FLVCR1: variants seen among roughly 807,000 people sequenced by gnomAD.
The protein encoded by FLVCR1 is FLVCR choline and heme transporter 1.
A neutral mutation model predicts 53.6 loss-of-function variants in FLVCR1; 34 were observed. The ratio of observed to expected loss-of-function variants is 0.63; its 90% CI spans 0.48 to 0.84. FLVCR1 has a LOEUF of 0.84. Among genes scored for constraint, FLVCR1 ranks in the 40% least tolerant of loss-of-function variants. The pLI is 0.00. For synonymous variants in FLVCR1, 300 were observed against 286.3 expected (o/e 1.05, Z -0.48); for missense variants, 677 against 696.7 (o/e 0.97, Z 0.32).
At chr1:212,874,729 A>G (rs1400560754) in intron 3 of FLVCR1, among the ~76,000 whole-genome samples, 1 of 151,486 alleles carries the variant, frequency 6.6e-6, no homozygotes, top group Non-Finnish European at 1.5e-5. Flanking sequence ...GGGTTTCACC[A>G]TGTTGACCAG....
chr1:212,886,202 C>T (rs187944947), intron 5 of FLVCR1, among the ~76,000 whole-genome samples: 8 of 151,618 alleles, frequency 5.3e-5, no homozygotes, highest in African/African-American at 9.7e-5. Flanking sequence ...CCACCACACC[C>T]GGCTAATTTT....
chr1:212,863,593 A>AAAAAGAACAT, intron 1 of FLVCR1, 132 bp from the exon 2 acceptor site: 1 of 865,764 alleles, frequency 1.2e-6, no homozygotes, highest in Non-Finnish European at 1.8e-6. Context: ...AAAAAAAAAA[A>AAAAAGAACAT]AAAGAACATA....
At position 212,895,916 on chromosome 1, in the gene FLVCR1, T is replaced by A. The variant is rs11582817; in HGVS notation, c.*626T>A. 0.37 allele frequency: 56,888 copies of A among 153,646 alleles called. 11,787 individuals carry two copies. Among genetic ancestry groups the A allele is most frequent in the South Asian group, 0.47 (2,363 of 4,976 alleles). 9.5% of individuals were successfully genotyped at this position (153,646 alleles called of 1,614,324 possible). A position where few individuals can be genotyped will look rare whatever the true frequency, so the allele number is the denominator to read the frequency against. On this transcript the variant is annotated 3_prime_UTR_variant, in exon 10 of 10. Coordinates refer to ENST00000366971, the MANE Select transcript of FLVCR1 (RefSeq NM_014053.4). ...ACAAAGTACTTTTTAACACATGCAG[T>A]CAATGGCTATAAAAACTATTCTGTG...
intron 5 of FLVCR1, 61 bp downstream of exon 5, chr1:212,885,457 A>ATTTGC: frequency 1.5e-6 from 2 of 1,327,748 alleles, no homozygotes; most frequent in Non-Finnish European, 2.2e-6. Flanking sequence ...TTAAAGGACA[A>ATTTGC]TTTGCTTTTT....
intron 1 of FLVCR1, among the ~76,000 whole-genome samples, chr1:212,862,136 G>C (rs1664262407): frequency 6.6e-6 from 1 of 151,792 alleles, no homozygotes; most frequent in South Asian, 2.1e-4. Flanking sequence ...TTTATTTCTT[G>C]TGATTATGAT....
chr1:212,861,346 G>A (rs1048715033), intron 1 of FLVCR1, among the ~76,000 whole-genome samples: 3 of 152,124 alleles, frequency 2.0e-5, no homozygotes, highest in African/African-American at 7.2e-5. Flanking sequence ...GCTCCTCCAG[G>A]AACTTTTTCT....
chr1:212,887,539 AAGAG>A lies in FLVCR1; in HGVS notation c.1197-348_1197-345del, dbSNP rs1344927698. On this transcript the variant is annotated intron_variant, in intron 5 of 9. Coordinates refer to ENST00000366971, the MANE Select transcript of FLVCR1 (RefSeq NM_014053.4). ...CAGTATGATAAGGGAATTTGGAAGA[AAGAG>A]AGACTCTTATAAACTGGTGTCGTTA... Among the ~76,000 whole-genome samples the A allele has an allele frequency of 2.0e-5, 3 of 152,362 alleles. No individual in the cohort carries two copies. The East Asian group carries it at 5.8e-4, about 29-fold the overall frequency.
At chr1:212,878,231 G>A (rs530827171) in intron 3 of FLVCR1, among the ~76,000 whole-genome samples, 3 of 152,214 alleles carry the variant, frequency 2.0e-5, no homozygotes, top group African/African-American at 4.8e-5. Flanking sequence ...GACCAGGCGC[G>A]GTGGCTCAGG....
At chr1:212,893,571 C>T (rs1299992819) in intron 8 of FLVCR1, among the ~76,000 whole-genome samples, 3 of 151,986 alleles carry the variant, frequency 2.0e-5, no homozygotes, top group Non-Finnish European at 2.9e-5. Flanking sequence ...AGAGATCTTT[C>T]ATGAAAGGAA....
rs1665384335 is a variant in FLVCR1 at position 212,897,969 on chromosome 1, A to T, written c.*2679A>T. On this transcript the variant is annotated 3_prime_UTR_variant, in exon 10 of 10. Coordinates refer to ENST00000366971, the MANE Select transcript of FLVCR1 (RefSeq NM_014053.4). Reference sequence around the variant, plus strand: ...CTCTATAATCAAGTGACTGTAAATTATGTCGAATCTGACCCTGGGGAATGT... The same window carrying T: ...CTCTATAATCAAGTGACTGTAAATTTTGTCGAATCTGACCCTGGGGAATGT... 6.6e-6 allele frequency: 1 copy of T among 152,236 alleles called. No homozygotes were observed. The highest frequency in any genetic ancestry group is 1.5e-5 in the Non-Finnish European group (1 of 68,046). 9.4% of individuals were successfully genotyped at this position (152,236 alleles called of 1,614,324 possible).
chr1:212,867,516 A>AT (rs1327302463), intron 2 of FLVCR1, among the ~76,000 whole-genome samples: 1 of 152,220 alleles, frequency 6.6e-6, no homozygotes, highest in Non-Finnish European at 1.5e-5. Flanking sequence ...AGCCTAGACA[A>AT]TTTAACTCCC....
At chr1:212,873,814 A>C (rs902014021) in intron 3 of FLVCR1, among the ~76,000 whole-genome samples, 3 of 152,242 alleles carry the variant, frequency 2.0e-5, no homozygotes, top group Admixed American at 6.5e-5. Flanking sequence ...TACAAGTTGT[A>C]ACCAATTAAG....
At chr1:212,883,236 T>C in intron 3 of FLVCR1, 135 bp from the exon 4 acceptor site, 1 of 649,032 alleles carries the variant, frequency 1.5e-6, no homozygotes, top group South Asian at 1.8e-5. Flanking sequence ...TTATCAACTG[T>C]GTTAAGAAAT....
chr1:212,889,294 T>C (rs1002673599), intron 8 of FLVCR1, 37 bp downstream of exon 8: 9 of 1,297,288 alleles, frequency 6.9e-6, no homozygotes, highest in Non-Finnish European at 1.0e-5. Context: ...AGGACTTGTG[T>C]CATGTGTTAA....
At chr1:212,864,994 G>T (rs10779588) in intron 2 of FLVCR1, among the ~76,000 whole-genome samples, 2 of 151,760 alleles carry the variant, frequency 1.3e-5, no homozygotes, top group Admixed American at 1.3e-4. Context: ...TCCACTTGTT[G>T]GTTTTGGTTT....
At chr1:212,887,002 G>A (rs927496629) in intron 5 of FLVCR1, among the ~76,000 whole-genome samples, 3 of 152,076 alleles carry the variant, frequency 2.0e-5, no homozygotes, top group Admixed American at 1.3e-4. Flanking sequence ...GGAAATGAAT[G>A]AATGAAACTA....
chr1:212,891,281 A>G (rs1665184692), intron 8 of FLVCR1, among the ~76,000 whole-genome samples: 1 of 151,996 alleles, frequency 6.6e-6, no homozygotes, highest in East Asian at 1.9e-4. Context: ...TTTTATGGGC[A>G]CACACCTGTA....
At chr1:212,880,188 G>A (rs1309830830) in intron 3 of FLVCR1, among the ~76,000 whole-genome samples, 1 of 152,186 alleles carries the variant, frequency 6.6e-6, no homozygotes, top group Non-Finnish European at 1.5e-5. Context: ...ACAAAGGCCA[G>A]TTACCCAGGT....
At chr1:212,889,480 G>A (rs571197997) in intron 8 of FLVCR1, among the ~76,000 whole-genome samples, 12 of 152,286 alleles carry the variant, frequency 7.9e-5, no homozygotes, top group African/African-American at 2.9e-4. Flanking sequence ...AATAAGAGTA[G>A]TAAAGGCTGG....
Sources: allele counts gnomAD v4.1 joint callset (sites outside exome capture counted in the v4.1 genomes callset), GRCh38; gene constraint gnomAD v4.1.1; transcripts MANE v1.5; gene names NCBI Gene and HGNC (gene_info 2026-07-23, HGNC 2026-07-21).